FBN2: variants seen among roughly 807,000 people sequenced by gnomAD.
FBN2 encodes fibrillin-2.
A neutral mutation model predicts 355.6 loss-of-function variants in FBN2; 105 were observed. The ratio of observed to expected loss-of-function variants is 0.30; its 90% CI spans 0.25 to 0.35. The LOEUF (loss-of-function observed/expected upper bound fraction) is 0.35, where lower values mean the gene tolerates loss of function less well. Among genes scored for constraint, FBN2 ranks in the 10% least tolerant of loss-of-function variants. FBN2 has a pLI of 1.00. For synonymous variants in FBN2, 1,350 were observed against 1,301.2 expected (o/e 1.04, Z -0.81); for missense variants, 3,280 against 3,758.7 (o/e 0.87, Z 3.33).
chr5:128,451,990 G>A (rs957068532), intron 6 of FBN2, among the ~76,000 whole-genome samples: 39 of 152,124 alleles, frequency 2.6e-4, no homozygotes, highest in African/African-American at 8.7e-4. Flanking sequence ...TATTTTTGAA[G>A]TCTCCTAGGC....
chr5:128,333,102 T>G, intron 31 of FBN2, 68 bp from the exon 32 acceptor site: 1 of 1,377,810 alleles, frequency 7.3e-7, no homozygotes, highest in South Asian at 1.2e-5. Flanking sequence ...CCAAGTATAT[T>G]TTTGTATAGG....
chr5:128,516,741 C>T lies in FBN2; in HGVS notation c.628+2532G>A, dbSNP rs1756291527. Among the ~76,000 whole-genome samples, 4 of 152,012 alleles carry T rather than the reference C, an allele frequency of 2.6e-5. No homozygotes were observed. The South Asian group carries it at 6.2e-4, about 24-fold the overall frequency. ...AAAATATATATATAAACATTAAACG[C>T]TAACAGGGCACATGAGCTTACTCAC... On this transcript the variant is annotated intron_variant, in intron 5 of 64. Transcript: ENST00000262464.
At chr5:128,293,844 T>C (rs934400944) in intron 48 of FBN2, among the ~76,000 whole-genome samples, 1 of 149,932 alleles carries the variant, frequency 6.7e-6, no homozygotes, top group Non-Finnish European at 1.5e-5. Context: ...AATTAATTAA[T>C]TAATTATTAT....
intron 19 of FBN2, among the ~76,000 whole-genome samples, chr5:128,360,203 A>G (rs948662235): frequency 1.3e-5 from 2 of 152,126 alleles, no homozygotes; most frequent in Non-Finnish European, 2.9e-5. Context: ...CATCTGTCCA[A>G]GGAAATCATG....
chr5:128,390,203 T>A (rs1752475713), intron 11 of FBN2, among the ~76,000 whole-genome samples: 1 of 152,194 alleles, frequency 6.6e-6, no homozygotes. Context: ...CTTTCAAGTC[T>A]ACCACTACTA....
chr5:128,413,612 C>T (rs890939603), intron 7 of FBN2, among the ~76,000 whole-genome samples: 4 of 152,102 alleles, frequency 2.6e-5, no homozygotes, highest in East Asian at 1.9e-4. Context: ...TTACACTAAA[C>T]GGAATATAAT....
At chr5:128,352,032 C>T (rs564057642) in intron 20 of FBN2, among the ~76,000 whole-genome samples, 1 of 152,230 alleles carries the variant, frequency 6.6e-6, no homozygotes, top group African/African-American at 2.4e-5. Context: ...ATAAATCACA[C>T]ACAATGTATG....
At position 128,301,264 on chromosome 5, in the gene FBN2, C is replaced by T. The variant is rs1190840055; in HGVS notation, c.6046+118G>A. The T allele has an allele frequency of 3.1e-6, 3 of 980,052 alleles. No homozygotes were observed. In the East Asian group the frequency reaches 7.5e-5, roughly 24 times the overall value. The allele number at this position is 980,052 out of a possible 1,614,324, so 60.7% of individuals were successfully genotyped here. A position where few individuals can be genotyped will look rare whatever the true frequency, so the allele number is the denominator to read the frequency against. ...ATTTTCCATCATAGCTTATCTTGGT[C>T]ATGTGCTCTGATGATTAAATGAAAT... On this transcript the variant is annotated intron_variant, in intron 47 of 64. Coordinates refer to ENST00000262464, the MANE Select transcript of FBN2 (RefSeq NM_001999.4).
At chr5:128,350,758 G>A in intron 21 of FBN2, 110 bp downstream of exon 21, 1 of 1,270,318 alleles carries the variant, frequency 7.9e-7, no homozygotes. Flanking sequence ...TTTAGCAAAA[G>A]TAAATGATCT....
intron 56 of FBN2, among the ~76,000 whole-genome samples, chr5:128,279,834 T>C (rs1042018845): frequency 2.0e-5 from 3 of 152,206 alleles, no homozygotes; most frequent in African/African-American, 4.8e-5. Flanking sequence ...AAATATGGCA[T>C]TTATTTTGCA....
Position 128,530,792 on chromosome 5 carries a change from C to T in FBN2, c.338-99G>A, listed in dbSNP as rs958924235. ...ATTTAAAAATAAAAAGCCTGAAAAA[C>T]TAAGATAAAATATATGATATAAATG... On this transcript the variant is annotated intron_variant, in intron 2 of 64. Transcript: ENST00000262464. 7.0e-5 allele frequency: 56 copies of T among 794,496 alleles called. No homozygotes were observed. The African/African-American group carries it at 9.4e-4, about 13-fold the overall frequency. The allele number at this position is 794,496 out of a possible 1,614,324, so 49.2% of individuals were successfully genotyped here. A position where few individuals can be genotyped will look rare whatever the true frequency, so the allele number is the denominator to read the frequency against.
chr5:128,289,349 C>T (rs1471819754), intron 51 of FBN2, 97 bp from the exon 52 acceptor site: 6 of 1,288,764 alleles, frequency 4.7e-6, no homozygotes, highest in Middle Eastern at 1.9e-4. Flanking sequence ...TTTGGGAGGC[C>T]GAGGTGGGTG....
rs1331323822 is a variant in FBN2, at chr5:128,376,872, T to A, written c.1850-19A>T. 3.1e-6 allele frequency: 5 copies of A among 1,612,514 alleles called. No homozygotes were observed. Among genetic ancestry groups the A allele is most frequent in the Non-Finnish European group, 4.2e-6 (5 of 1,179,276 alleles). ...TCATGATCTGCAGAAGAGGATTGAG[T>A]GACTTTGAACACTGGCCTTGAGGGA... On this transcript the variant is annotated intron_variant, in intron 13 of 64. Coordinates refer to ENST00000262464, the MANE Select transcript of FBN2 (RefSeq NM_001999.4).
At chr5:128,417,636 T>G in intron 7 of FBN2, among the ~76,000 whole-genome samples, 1 of 152,312 alleles carries the variant, frequency 6.6e-6, no homozygotes, top group African/African-American at 2.4e-5. Context: ...ATTCTGCTGA[T>G]GTGATGTATA....
intron 34 of FBN2, among the ~76,000 whole-genome samples, chr5:128,324,718 C>T (rs184329850): frequency 6.6e-6 from 1 of 151,470 alleles, no homozygotes; most frequent in Admixed American, 6.6e-5. Flanking sequence ...CCCGGGTTCA[C>T]GCCATTCTCC....
At chr5:128,332,528 T>C (rs1272733459) in intron 32 of FBN2, among the ~76,000 whole-genome samples, 1 of 152,328 alleles carries the variant, frequency 6.6e-6, no homozygotes, top group South Asian at 2.1e-4. Flanking sequence ...GATGACTTAC[T>C]AAAAAATTAG....
chr5:128,524,444 G>A (rs149441022), intron 4 of FBN2, among the ~76,000 whole-genome samples: 1 of 152,222 alleles, frequency 6.6e-6, no homozygotes, highest in African/African-American at 2.4e-5. Context: ...TGTGGCCAGG[G>A]TATTATCTTA....
At chr5:128,287,685 A>C (rs1749194845) in intron 53 of FBN2, among the ~76,000 whole-genome samples, 1 of 152,158 alleles carries the variant, frequency 6.6e-6, no homozygotes, top group African/African-American at 2.4e-5. Flanking sequence ...AGTAGGGAGT[A>C]ATTTCACATT....
At chr5:128,528,644 A>C (rs1478671611) in intron 3 of FBN2, among the ~76,000 whole-genome samples, 3 of 152,174 alleles carry the variant, frequency 2.0e-5, no homozygotes, top group Non-Finnish European at 4.4e-5. Flanking sequence ...GGTTAAAAAG[A>C]GGCAGACAGG....
Sources: gnomAD v4.1 joint callset for allele counts (sites outside exome capture counted in the v4.1 genomes callset) on GRCh38, gnomAD v4.1.1 for gene constraint, MANE v1.5 for transcripts, NCBI Gene and HGNC (gene_info 2026-07-23, HGNC 2026-07-21) for gene names.